B9D2: variants seen among roughly 807,000 people sequenced by gnomAD.
B9D2 encodes B9 domain containing 2.
A neutral mutation model predicts 19.2 loss-of-function variants in B9D2; 21 were observed. The ratio of observed to expected loss-of-function variants is 1.09; its 90% CI spans 0.78 to 1.58. The LOEUF (loss-of-function observed/expected upper bound fraction) is 1.58, where lower values mean the gene tolerates loss of function less well. B9D2 is among the 40% of genes most tolerant of loss of function. The probability of loss-of-function intolerance (pLI) is 0.00; values close to 1 mark genes in which losing one functional copy is unlikely to be tolerated. For synonymous variants in B9D2, 91 were observed against 100.6 expected, an observed-to-expected ratio of 0.90 and a Z score of 0.57; for missense variants, 221 against 244.3, an observed-to-expected ratio of 0.90 and a Z score of 0.64.
At chr19:41,355,876 T>C (rs1041757754) in intron 3 of B9D2, among the ~76,000 whole-genome samples, 1 of 152,142 alleles carries the variant, frequency 6.6e-6, no homozygotes, top group African/African-American at 2.4e-5. Flanking sequence ...AAGGTGACAT[T>C]TGAGCAAATG....
At chr19:41,355,256 C>A (rs564816767) in intron 3 of B9D2, among the ~76,000 whole-genome samples, 3 of 152,288 alleles carry the variant, frequency 2.0e-5, no homozygotes, top group African/African-American at 7.2e-5. Flanking sequence ...TCCATAGCTC[C>A]CCAGTGCCCT....
Position 41,354,592 on chromosome 19 carries a change from G to A in B9D2, c.*108C>T. ...AGAAGCGGTGCCATGCCTTAGCTGGGGTCAGCTCTGACAGTCTCTAGAGTC... is the reference window on the plus strand; with the variant it reads ...AGAAGCGGTGCCATGCCTTAGCTGGAGTCAGCTCTGACAGTCTCTAGAGTC... On this transcript the variant is annotated 3_prime_UTR_variant, in exon 4 of 4. Transcript: ENST00000243578. 1 of 1,427,488 alleles carries A rather than the reference G, an allele frequency of 7.0e-7. No individual in the cohort carries two copies. The allele number at this position is 1,427,488 out of a possible 1,614,324, so 88.4% of individuals were successfully genotyped here.
At chr19:41,362,068 G>T in intron 2 of B9D2, among the ~76,000 whole-genome samples, 1 of 83,026 alleles carries the variant, frequency 1.2e-5, no homozygotes. Context: ...TACAGAGTGA[G>T]ACTCTGTCTC....
chr19:41,363,392 G>A lies in B9D2; in HGVS notation c.88+40C>T, dbSNP rs759114605. 6.5e-5 allele frequency: 103 copies of A among 1,596,244 alleles called. 1 individual carries two copies. The South Asian group carries it at 1.1e-3, about 17-fold the overall frequency. On this transcript the variant is annotated intron_variant, in intron 2 of 3. Coordinates refer to ENST00000243578, the MANE Select transcript of B9D2 (RefSeq NM_030578.4). ...GAAGGAGCATGTAGCCTCTAGGCTA[G>A]GGGTCTTGGTGTGGAAATGAACCAG... is the stretch of plus-strand genomic sequence containing the variant.
chr19:41,359,685 A>G (rs1028455907), intron 2 of B9D2, among the ~76,000 whole-genome samples: 2 of 152,032 alleles, frequency 1.3e-5, no homozygotes, highest in African/African-American at 4.8e-5. Flanking sequence ...CCTGGGCAAC[A>G]AGAGCGAAAT....
intron 3 of B9D2, among the ~76,000 whole-genome samples, chr19:41,355,417 G>GAC (rs1397970528): frequency 2.1e-5 from 2 of 95,416 alleles, no homozygotes; most frequent in Non-Finnish European, 4.4e-5. Context: ...CCTTGTCAGG[G>GAC]ACACCTCCTG....
intron 2 of B9D2, among the ~76,000 whole-genome samples, chr19:41,358,697 G>C (rs1336710623): frequency 6.6e-6 from 1 of 152,148 alleles, no homozygotes; most frequent in African/African-American, 2.4e-5. Context: ...ACTGAGGGGT[G>C]ATAATGATAG....
intron 3 of B9D2, among the ~76,000 whole-genome samples, chr19:41,356,373 A>G (rs1238075311): frequency 2.0e-5 from 3 of 152,154 alleles, no homozygotes; most frequent in Non-Finnish European, 4.4e-5. Flanking sequence ...AGGCAGTTTA[A>G]GATTTCCTGA....
Position 41,357,960 on chromosome 19 carries a change from T to G in B9D2, c.151A>C (p.Ile51Leu), listed in dbSNP as rs368393895. The stretch of plus-strand genomic sequence containing the variant: ...TGGGACCAGTAAGCCATGTCCCCTA[T>G]CTGCGGGGTGTCCACTTGCGTTTGG... ...EGQTQVDTPQ[I>L]GDMAYWSHPI... is the part of the protein sequence containing the mutation. The change falls in exon 3 of 4, where the codon ATA becomes CTA. Residue 51 changes from isoleucine (I) to leucine (L), a missense_variant. Transcript: ENST00000243578. 1.5e-4 allele frequency: 238 copies of G among 1,614,028 alleles called. No individual in the cohort carries two copies. Among genetic ancestry groups the G allele is most frequent in the Admixed American group, 8.8e-4 (53 of 60,002 alleles).
chr19:41,364,009 T>G lies in B9D2; in HGVS notation c.-56A>C. The stretch of plus-strand genomic sequence containing the variant: ...GAGAAAGCGGCAACCGGGGTTGTAG[T>G]TCATGGGCTTGACTGCTTCTTTTCT... On this transcript the variant is annotated 5_prime_UTR_variant, in exon 1 of 4. Transcript: ENST00000243578. 1 of 200,324 alleles carries G rather than the reference T, an allele frequency of 5.0e-6. No homozygotes were observed. The highest frequency in any genetic ancestry group is 1.1e-5 in the Non-Finnish European group (1 of 94,424). The allele number at this position is 200,324 out of a possible 1,614,324, so 12.4% of individuals were successfully genotyped here. A position where few individuals can be genotyped will look rare whatever the true frequency, so the allele number is the denominator to read the frequency against.
chr19:41,361,604 A>G (rs1469134499), intron 2 of B9D2, among the ~76,000 whole-genome samples: 11 of 149,662 alleles, frequency 7.3e-5, no homozygotes, highest in Admixed American at 1.3e-4. Context: ...CCTGGCCGAC[A>G]TGGTGAAACC....
At position 41,354,505 on chromosome 19, in the gene B9D2, C is replaced by T. The variant is rs2038272226; in HGVS notation, c.*195G>A. 4 of 708,320 alleles carry T rather than the reference C, an allele frequency of 5.6e-6. No homozygotes were observed. Among genetic ancestry groups the T allele is most frequent in the African/African-American group, 1.8e-5 (1 of 56,962 alleles). The allele number at this position is 708,320 out of a possible 1,614,324, so 43.9% of individuals were successfully genotyped here. On this transcript the variant is annotated 3_prime_UTR_variant, in exon 4 of 4. Transcript: ENST00000243578. ...AACACCCTGCGACCCCATACATTTA[C>T]TGTCCCCAATTTACAGATAGGGAAA...
intron 2 of B9D2, among the ~76,000 whole-genome samples, chr19:41,362,255 T>G (rs1346205750): frequency 6.8e-6 from 1 of 147,008 alleles, no homozygotes; most frequent in Non-Finnish European, 1.5e-5. Flanking sequence ...CCGGGCATGG[T>G]GGCGAGCGCC....
Position 41,354,782 on chromosome 19 carries a change from A to G in B9D2, c.446T>C (p.Leu149Pro). 1.9e-6 allele frequency: 3 copies of G among 1,614,056 alleles called. No individual in the cohort carries two copies. Among genetic ancestry groups the G allele is most frequent in the Middle Eastern group, 1.6e-4 (1 of 6,062 alleles). Residue 149 changes from leucine to proline, a missense_variant, in exon 4 of 4, where the codon CTG (leucine) becomes CCG (proline). Transcript: ENST00000243578. The part of the protein sequence containing the change: ...TIYSGADRYR[L>P]HTAAGGTVHL... The stretch of plus-strand genomic sequence containing the variant: ...CACGGTGCCACCAGCAGCTGTGTGC[A>G]GGCGATAGCGGTCGGCCCCACTGTA...
intron 1 of B9D2, 117 bp from the exon 2 acceptor site, chr19:41,363,640 C>T: frequency 1.1e-6 from 1 of 903,844 alleles, no homozygotes; most frequent in East Asian, 2.6e-5. Context: ...AAGCTAGCTT[C>T]GTCACACCCC....
chr19:41,363,712 G>A (rs2038454101), intron 1 of B9D2, among the ~76,000 whole-genome samples, 189 bp from the exon 2 acceptor site: 1 of 152,172 alleles, frequency 6.6e-6, no homozygotes, highest in Non-Finnish European at 1.5e-5. Context: ...GAAAAAATGG[G>A]GGGACCCTTG....
chr19:41,355,430 T>A (rs2123127271), intron 3 of B9D2, among the ~76,000 whole-genome samples: 2 of 74,242 alleles, frequency 2.7e-5, no homozygotes, highest in African/African-American at 1.4e-4. Flanking sequence ...ACCTCCTGCC[T>A]TCCCTCATGT....
At position 41,354,592 on chromosome 19, in the gene B9D2, G is replaced by T. The variant is rs112179051; in HGVS notation, c.*108C>A. On this transcript the variant is annotated 3_prime_UTR_variant, in exon 4 of 4. Transcript: ENST00000243578. Reference sequence around the variant, plus strand: ...AGAAGCGGTGCCATGCCTTAGCTGGGGTCAGCTCTGACAGTCTCTAGAGTC... The same window carrying T: ...AGAAGCGGTGCCATGCCTTAGCTGGTGTCAGCTCTGACAGTCTCTAGAGTC... The T allele has an allele frequency of 5.6e-6, 8 of 1,427,488 alleles. No individual in the cohort carries two copies. The highest frequency in any genetic ancestry group is 7.8e-6 in the Non-Finnish European group (8 of 1,027,672). The allele number at this position is 1,427,488 out of a possible 1,614,324, so 88.4% of individuals were successfully genotyped here. A position where few individuals can be genotyped will look rare whatever the true frequency, so the allele number is the denominator to read the frequency against.
chr19:41,359,994 G>C lies in B9D2; in HGVS notation c.89-1972C>G, dbSNP rs1292629941. Among the ~76,000 whole-genome samples the C allele has an allele frequency of 4.3e-4, 66 of 152,066 alleles. 1 individual carries two copies. Among genetic ancestry groups the C allele is most frequent in the Admixed American group, 4.3e-3 (65 of 15,254 alleles). On this transcript the variant is annotated intron_variant, in intron 2 of 3. Transcript: ENST00000243578. ...TTGCACTGGCTGTTCCCTCTGCCTAGAAAGCTCTGCTCCTGGGTGTCCCCA... is the reference window on the plus strand; with the variant it reads ...TTGCACTGGCTGTTCCCTCTGCCTACAAAGCTCTGCTCCTGGGTGTCCCCA...
Sources: allele counts gnomAD v4.1 joint callset (sites outside exome capture counted in the v4.1 genomes callset), GRCh38; gene constraint gnomAD v4.1.1; transcripts MANE v1.5; gene names NCBI Gene and HGNC (gene_info 2026-07-23, HGNC 2026-07-21).